Variants in NRG2 observed in about 807,000 individuals in gnomAD.
NRG2 encodes neuregulin 2.
NRG2 carries 27 observed loss-of-function variants against 73.9 expected under a neutral mutation model. That is an observed-to-expected ratio of 0.37 (90% CI 0.27 to 0.50). NRG2 has a LOEUF of 0.50. Among genes scored for constraint, NRG2 ranks in the 20% least tolerant of loss-of-function variants. NRG2 has a pLI of 0.96. For missense variants in NRG2, 1,126 were observed against 1,210.1 expected (o/e 0.93, Z 1.03); for synonymous variants, 532 against 541.0 (o/e 0.98, Z 0.23).
At chr5:139,956,174 C>G (rs1197743180) in intron 1 of NRG2, among the ~76,000 whole-genome samples, 1 of 152,122 alleles carries the variant, frequency 6.6e-6, no homozygotes, top group African/African-American at 2.4e-5. Context: ...TCCCTCTGTC[C>G]ATTTCTCCCT....
At chr5:139,906,142 G>C (rs1326431793) in intron 1 of NRG2, among the ~76,000 whole-genome samples, 1 of 152,022 alleles carries the variant, frequency 6.6e-6, no homozygotes, top group African/African-American at 2.4e-5. Flanking sequence ...TGAGTAGCTG[G>C]GATTACAGGC....
intron 1 of NRG2, among the ~76,000 whole-genome samples, chr5:139,911,841 C>T (rs767465696): frequency 2.6e-5 from 4 of 152,168 alleles, no homozygotes; most frequent in Admixed American, 1.3e-4. Flanking sequence ...TAATAACAAC[C>T]GGCACTTACA....
At chr5:139,898,565 G>A (rs1389116440) in intron 1 of NRG2, among the ~76,000 whole-genome samples, 3 of 152,172 alleles carry the variant, frequency 2.0e-5, no homozygotes, top group Non-Finnish European at 2.9e-5. Flanking sequence ...TGCAGCTGGC[G>A]AGCTATCCCG....
chr5:139,855,668 A>G lies in NRG2; in HGVS notation c.1292+8T>C. ...GGCCTGTCCCCAGCTTGAGTGACTG[A>G]CACTCACTTGGTCTTGCAGTAGGCC... On this transcript the variant is annotated splice_region_variant and intron_variant, in intron 6 of 9. Coordinates refer to ENST00000361474, the MANE Select transcript of NRG2 (RefSeq NM_004883.3). 1 of 1,606,898 alleles carries G rather than the reference A, an allele frequency of 6.2e-7. No individual in the cohort carries two copies. The highest frequency in any genetic ancestry group is 8.5e-7 in the Non-Finnish European group (1 of 1,173,508).
At chr5:139,903,494 C>T (rs1441102426) in intron 1 of NRG2, among the ~76,000 whole-genome samples, 3 of 152,148 alleles carry the variant, frequency 2.0e-5, no homozygotes, top group African/African-American at 7.2e-5. Context: ...CCAATTGGGC[C>T]CCAGTGCAAG....
chr5:139,972,500 G>C (rs112774445), intron 1 of NRG2, among the ~76,000 whole-genome samples: 6 of 152,154 alleles, frequency 3.9e-5, no homozygotes, highest in African/African-American at 1.2e-4. Flanking sequence ...CGAGGTGGGC[G>C]GATCACTTGA....
intron 5 of NRG2, among the ~76,000 whole-genome samples, chr5:139,864,756 G>A (rs1027642911): frequency 2.0e-5 from 3 of 148,778 alleles, no homozygotes. Flanking sequence ...AAACACGTCG[G>A]CACACACACA....
At chr5:139,860,158 C>G (rs996702774) in intron 5 of NRG2, among the ~76,000 whole-genome samples, 4 of 152,138 alleles carry the variant, frequency 2.6e-5, no homozygotes, top group Non-Finnish European at 5.9e-5. Flanking sequence ...GCAGGCAGGG[C>G]AGGCTCTTTA....
intron 1 of NRG2, among the ~76,000 whole-genome samples, chr5:139,891,317 G>C (rs1255011434): frequency 6.6e-6 from 1 of 152,170 alleles, no homozygotes; most frequent in Non-Finnish European, 1.5e-5. Context: ...TAATTCAGAG[G>C]GCCTGAGGAA....
intron 6 of NRG2, among the ~76,000 whole-genome samples, chr5:139,854,728 C>T (rs1037188850): frequency 6.6e-6 from 1 of 152,322 alleles, no homozygotes. Flanking sequence ...CAGTCCAGAC[C>T]CTTGCTTTCC....
At chr5:139,918,999 C>CTTG (rs1751470536) in intron 1 of NRG2, among the ~76,000 whole-genome samples, 1 of 152,172 alleles carries the variant, frequency 6.6e-6, no homozygotes, top group Non-Finnish European at 1.5e-5. Flanking sequence ...AAGTAGCAAA[C>CTTG]ACTGAATAAA....
chr5:140,032,741 A>T (rs184198981), intron 1 of NRG2, among the ~76,000 whole-genome samples: 1 of 152,252 alleles, frequency 6.6e-6, no homozygotes, highest in Non-Finnish European at 1.5e-5. Flanking sequence ...TGTTATATAC[A>T]TAATATAGGC....
intron 5 of NRG2, among the ~76,000 whole-genome samples, chr5:139,860,489 CAG>C (rs1419095763): frequency 1.3e-5 from 2 of 151,980 alleles, no homozygotes; most frequent in Non-Finnish European, 2.9e-5. Context: ...TGGGGAGCCT[CAG>C]AGTCTGTGGG....
chr5:139,945,312 A>G (rs187661542), intron 1 of NRG2, among the ~76,000 whole-genome samples: 1 of 152,108 alleles, frequency 6.6e-6, no homozygotes, highest in African/African-American at 2.4e-5. Context: ...TTCATAAAAT[A>G]TTTTCCCAGA....
At chr5:140,021,783 A>G (rs1760250134) in intron 1 of NRG2, among the ~76,000 whole-genome samples, 1 of 152,226 alleles carries the variant, frequency 6.6e-6, no homozygotes, top group South Asian at 2.1e-4. Context: ...AGCGAGGAAC[A>G]CAACGCATGA....
At chr5:139,910,699 T>C (rs1765518265) in intron 1 of NRG2, among the ~76,000 whole-genome samples, 1 of 152,112 alleles carries the variant, frequency 6.6e-6, no homozygotes, top group Admixed American at 6.5e-5. Flanking sequence ...CCCTGTCCCC[T>C]TTTCCTTTGC....
chr5:139,862,368 A>G (rs1309098759), intron 5 of NRG2, among the ~76,000 whole-genome samples: 1 of 152,160 alleles, frequency 6.6e-6, no homozygotes, highest in African/African-American at 2.4e-5. Flanking sequence ...CATGGGTTGG[A>G]ACATGAGGGG....
chr5:139,859,051 C>T (rs1761977118), intron 5 of NRG2, among the ~76,000 whole-genome samples: 1 of 152,152 alleles, frequency 6.6e-6, no homozygotes, highest in African/African-American at 2.4e-5. Context: ...TGAGCCCCTG[C>T]CTCTCTCCTC....
At chr5:139,994,960 T>C (rs1055033715) in intron 1 of NRG2, among the ~76,000 whole-genome samples, 4 of 152,026 alleles carry the variant, frequency 2.6e-5, no homozygotes, top group African/African-American at 9.7e-5. Flanking sequence ...GGAGGTTGGG[T>C]CAAAATGTGA....
Sources: allele counts gnomAD v4.1 joint callset (sites outside exome capture counted in the v4.1 genomes callset), GRCh38; gene constraint gnomAD v4.1.1; transcripts MANE v1.5; gene names NCBI Gene and HGNC (gene_info 2026-07-23, HGNC 2026-07-21).